The following EIF3E variants were observed in gnomAD, a reference collection of about 807,000 sequenced individuals.
EIF3E encodes eIF-3 p48.
A neutral mutation model predicts 59.3 loss-of-function variants in EIF3E; 25 were observed. The observed-to-expected ratio is 0.42, with a 90% CI of 0.31 to 0.59. The LOEUF (loss-of-function observed/expected upper bound fraction) is 0.59. Ranked by LOEUF, EIF3E falls within the 20% of genes least tolerant of loss-of-function variation. EIF3E has a pLI of 0.15. For synonymous variants in EIF3E, 176 were observed against 170.2 expected (o/e 1.03, Z -0.26); for missense variants, 317 against 534.3 (o/e 0.59, Z 4.01).
At chr8:108,204,670 A>G (rs888580430) in intron 10 of EIF3E, among the ~76,000 whole-genome samples, 4 of 150,596 alleles carry the variant, frequency 2.7e-5, no homozygotes, top group Non-Finnish European at 5.9e-5. Flanking sequence ...GGCATTGTGT[A>G]TATTTGTGCT....
In EIF3E at chr8:108,243,638, G is replaced by GAAA. The variant is rs779684560; in HGVS notation, c.91-1728_91-1726dup. ...AGCAAGACTCTGTCTCAAAAAAAAA[G>GAAA]AAAAAAAAAAAAAAAAAAAAAAGGA... is the stretch of plus-strand genomic sequence containing the variant. On this transcript the variant is annotated intron_variant, in intron 1 of 12. Transcript: ENST00000220849. Among the ~76,000 whole-genome samples, 225 of 70,962 alleles carry GAAA rather than the reference G, an allele frequency of 3.2e-3. 3 individuals carry two copies. Among genetic ancestry groups the GAAA allele is most frequent in the African/African-American group, 7.5e-3 (159 of 21,252 alleles). The allele number at this position is 70,962 out of a possible 152,430, so 46.6% of individuals were successfully genotyped here. A position where few individuals can be genotyped will look rare whatever the true frequency, so the allele number is the denominator to read the frequency against.
chr8:108,205,973 T>A (rs1012896208), intron 10 of EIF3E, among the ~76,000 whole-genome samples: 1 of 152,190 alleles, frequency 6.6e-6, no homozygotes, highest in Non-Finnish European at 1.5e-5. Context: ...GTTTCAAGCA[T>A]CCTCTGGGGG....
intron 3 of EIF3E, among the ~76,000 whole-genome samples, chr8:108,237,545 C>T (rs1428304263): frequency 1.3e-5 from 2 of 152,158 alleles, no homozygotes; most frequent in African/African-American, 4.8e-5. Flanking sequence ...AGCTACTGCA[C>T]CTGACTGCAT....
chr8:108,242,565 TTG>T (rs1815858144), intron 1 of EIF3E: 1 of 1,157,432 alleles, frequency 8.6e-7, no homozygotes, highest in East Asian at 6.0e-5. Context: ...GAACTTAATT[TTG>T]CAAGGAAAGA....
At chr8:108,217,263 C>G (rs1815321148) in intron 8 of EIF3E, 71 bp downstream of exon 8, 5 of 1,233,370 alleles carry the variant, frequency 4.1e-6, no homozygotes, top group Non-Finnish European at 5.5e-6. Context: ...CTAAGTCTTA[C>G]CTTAGAAAAA....
At chr8:108,240,887 G>A (rs1305229394) in intron 2 of EIF3E, among the ~76,000 whole-genome samples, 1 of 152,100 alleles carries the variant, frequency 6.6e-6, no homozygotes, top group Non-Finnish European at 1.5e-5. Context: ...GGCTGAGGCA[G>A]GAGAATGGCG....
chr8:108,236,811 C>T (rs1156980392), intron 3 of EIF3E, among the ~76,000 whole-genome samples: 2 of 152,126 alleles, frequency 1.3e-5, no homozygotes, highest in African/African-American at 4.8e-5. Context: ...CTCCTGAGGT[C>T]AGGAGTTCAA....
chr8:108,236,424 C>T (rs77596398), intron 3 of EIF3E, among the ~76,000 whole-genome samples: 6,643 of 152,202 alleles, frequency 0.044, 252 homozygotes, highest in African/African-American at 0.1. Flanking sequence ...ATTTCTTTAG[C>T]CCTAACTGAA....
At chr8:108,209,382 C>T (rs995423940) in intron 10 of EIF3E, among the ~76,000 whole-genome samples, 30 of 152,082 alleles carry the variant, frequency 2.0e-4, no homozygotes, top group African/African-American at 7.2e-4. Context: ...ACCTAATTTT[C>T]TTCTCATTGT....
At chr8:108,221,591 C>T (rs1327826444) in intron 7 of EIF3E, 2 of 152,130 alleles carry the variant, frequency 1.3e-5, no homozygotes, top group Non-Finnish European at 1.5e-5. Context: ...TGTTTTGACA[C>T]GGTAAATAAG....
chr8:108,246,623 T>C (rs779232309), intron 1 of EIF3E, among the ~76,000 whole-genome samples: 2 of 152,198 alleles, frequency 1.3e-5, no homozygotes, highest in South Asian at 4.1e-4. Context: ...TTTTTTTCAA[T>C]AAAAGTTACA....
chr8:108,224,891 T>C (rs1453301997), intron 7 of EIF3E, among the ~76,000 whole-genome samples: 1 of 151,606 alleles, frequency 6.6e-6, no homozygotes, highest in Non-Finnish European at 1.5e-5. Flanking sequence ...ACCACACTTT[T>C]GCAGTTTTAA....
intron 6 of EIF3E, 140 bp downstream of exon 6, chr8:108,228,928 CCA>C: frequency 1.2e-6 from 1 of 856,394 alleles, no homozygotes; most frequent in East Asian, 2.9e-5. Flanking sequence ...AGCCACTAAT[CCA>C]CTATGATTTT....
chr8:108,213,454 C>T (rs1293650514), intron 10 of EIF3E, among the ~76,000 whole-genome samples: 2 of 152,074 alleles, frequency 1.3e-5, no homozygotes, highest in East Asian at 1.9e-4. Flanking sequence ...TTTCAAAAGG[C>T]CCACAACAGC....
At chr8:108,235,761 C>T (rs988476615) in intron 4 of EIF3E, among the ~76,000 whole-genome samples, 44 of 152,230 alleles carry the variant, frequency 2.9e-4, no homozygotes, top group African/African-American at 1.0e-3. Context: ...CAAAGTACTA[C>T]CTAATTCTAC....
intron 9 of EIF3E, 111 bp from the exon 10 acceptor site, chr8:108,214,827 A>G: frequency 1.1e-6 from 1 of 881,030 alleles, no homozygotes; most frequent in Non-Finnish European, 1.8e-6. Context: ...TGAGTTTTAT[A>G]CCACAGCACT....
At chr8:108,206,022 T>A (rs562563801) in intron 10 of EIF3E, among the ~76,000 whole-genome samples, 9 of 152,318 alleles carry the variant, frequency 5.9e-5, no homozygotes, top group Non-Finnish European at 1.2e-4. Context: ...GAGACTACTA[T>A]ACCCAGTTTA....
intron 7 of EIF3E, among the ~76,000 whole-genome samples, chr8:108,224,640 C>T (rs945768679): frequency 6.6e-6 from 1 of 151,566 alleles, no homozygotes; most frequent in East Asian, 1.9e-4. Context: ...AACTAAAAGT[C>T]ATCATACTAC....
At chr8:108,233,834 C>A (rs1417085234) in intron 5 of EIF3E, among the ~76,000 whole-genome samples, 2 of 68,700 alleles carry the variant, frequency 2.9e-5, no homozygotes, top group African/African-American at 7.0e-5. Context: ...AAGACCCTGT[C>A]TCAAAAAAAA....
Sources: allele counts gnomAD v4.1 joint callset (sites outside exome capture counted in the v4.1 genomes callset), GRCh38; gene constraint gnomAD v4.1.1; transcripts MANE v1.5; gene names NCBI Gene and HGNC (gene_info 2026-07-23, HGNC 2026-07-21).